VSTM2A: variants seen among roughly 807,000 people sequenced by gnomAD.
VSTM2A encodes V-set and transmembrane domain containing 2A.
VSTM2A carries 13 observed loss-of-function variants against 27.3 expected under a neutral mutation model. The ratio of observed to expected loss-of-function variants is 0.48; its 90% CI spans 0.31 to 0.76. The LOEUF (loss-of-function observed/expected upper bound fraction) is 0.76, where lower values mean the gene tolerates loss of function less well. Ranked by LOEUF, VSTM2A falls within the 30% of genes least tolerant of loss-of-function variation. The pLI is 0.05. For missense variants in VSTM2A, 280 were observed against 310.0 expected (o/e 0.90, Z 0.73); for synonymous variants, 142 against 125.7 (o/e 1.13, Z -0.87).
intron 3 of VSTM2A, among the ~76,000 whole-genome samples, chr7:54,548,463 T>C (rs1361958928): frequency 6.6e-6 from 1 of 151,900 alleles, no homozygotes; most frequent in Non-Finnish European, 1.5e-5. Context: ...AGCTCCACCT[T>C]CCAGAGATGC....
chr7:54,553,768 T>C, intron 4 of VSTM2A: 1 of 1,493,722 alleles, frequency 6.7e-7, no homozygotes. Flanking sequence ...TTTAGGTCCC[T>C]CTTCGCAGAG....
chr7:54,550,334 A>G (rs1788149464), intron 4 of VSTM2A, 164 bp downstream of exon 4: 1 of 1,455,066 alleles, frequency 6.9e-7, no homozygotes, highest in Non-Finnish European at 9.1e-7. Flanking sequence ...GCACCAATTC[A>G]CTCAGAGCTC....
rs981816584 is a variant in VSTM2A at position 54,550,371 on chromosome 7, C to T, written c.634+201C>T. ...AAGCATGTGGGTGCACCCCGTCAGT[C>T]CCCTAGTGGTGCTTCATTTCCAGGG... On this transcript the variant is annotated intron_variant, in intron 4 of 4. Transcript: ENST00000402613. The T allele has an allele frequency of 2.1e-6, 3 of 1,396,094 alleles. No individual in the cohort carries two copies. The African/African-American group carries it at 4.3e-5, about 20-fold the overall frequency. The allele number at this position is 1,396,094 out of a possible 1,614,324, so 86.5% of individuals were successfully genotyped here. A position where few individuals can be genotyped will look rare whatever the true frequency, so the allele number is the denominator to read the frequency against.
rs1390291875 is a variant in VSTM2A, at chr7:54,546,521, C to CCACCCCTGGCGCCCGCCCGCCT, written c.247-411_247-390dup. Among the ~76,000 whole-genome samples the CCACCCCTGGCGCCCGCCCGCCT allele has an allele frequency of 8.0e-5, 12 of 150,554 alleles. No individual in the cohort carries two copies. The South Asian group carries it at 1.3e-3, about 16-fold the overall frequency. ...TTCACCTTCACTCACGCCGGCCGCC[C>CCACCCCTGGCGCCCGCCCGCCT]CACCCCTGGCGCCCGCCCGCCTCAC... is the stretch of plus-strand genomic sequence containing the variant. On this transcript the variant is annotated intron_variant, in intron 2 of 4. Coordinates refer to ENST00000402613, the MANE Select transcript of VSTM2A (RefSeq NM_001301009.2).
In VSTM2A at chr7:54,569,142, T is replaced by C; in HGVS notation, c.646T>C (p.Ser216Pro). 6.4e-7 allele frequency: 1 copy of C among 1,560,140 alleles called. No individual in the cohort carries two copies. The highest frequency in any genetic ancestry group is 1.9e-5 in the Admixed American group (1 of 51,796). ...TTCTCTTCTTAAAGCAAAGAGCAAATCGCCTGTAAAATCTACGGAGCGGAC... is the reference window on the plus strand; with the variant it reads ...TTCTCTTCTTAAAGCAAAGAGCAAACCGCCTGTAAAATCTACGGAGCGGAC... ...KQSPQSAKSKSPVKSTERTAK... is the reference protein window; with the variant it reads ...KQSPQSAKSKPPVKSTERTAK... Residue 216 changes from serine (S) to proline (P), a missense_variant, in exon 5 of 5, where the codon TCG (serine) becomes CCG (proline). By Grantham distance (74) the Ser-to-Pro change is moderately conservative. Coordinates refer to ENST00000402613, the MANE Select transcript of VSTM2A (RefSeq NM_001301009.2).
intron 4 of VSTM2A, chr7:54,554,223 C>T: frequency 1.5e-6 from 2 of 1,339,466 alleles, no homozygotes; most frequent in Admixed American, 5.1e-5. Context: ...ACTCTTACCT[C>T]TCTTCTCTTT....
intron 4 of VSTM2A, among the ~76,000 whole-genome samples, chr7:54,552,914 G>A (rs1041524341): frequency 6.6e-6 from 1 of 152,136 alleles, no homozygotes; most frequent in Non-Finnish European, 1.5e-5. Context: ...TGACTTAGTT[G>A]ACTAAATTAT....
intron 4 of VSTM2A, among the ~76,000 whole-genome samples, chr7:54,563,706 C>T (rs576883109): frequency 7.2e-5 from 11 of 152,202 alleles, no homozygotes; most frequent in East Asian, 1.9e-4. Context: ...CCCTCAGCTA[C>T]GGTAAGAGCC....
intron 4 of VSTM2A, among the ~76,000 whole-genome samples, chr7:54,564,866 T>TC (rs397804532): frequency 3.7e-3 from 3 of 804 alleles, no homozygotes; most frequent in Non-Finnish European, 0.025. Flanking sequence ...GTTCAAAATA[T>TC]GTTATATCGT....
intron 4 of VSTM2A, among the ~76,000 whole-genome samples, chr7:54,565,189 T>C (rs368128910): frequency 5.3e-4 from 80 of 152,346 alleles, no homozygotes; most frequent in African/African-American, 3.1e-4. Flanking sequence ...ATGGACCACA[T>C]TGCTGTTTCT....
chr7:54,543,784 A>C (rs1310967448), intron 1 of VSTM2A, among the ~76,000 whole-genome samples: 2 of 152,188 alleles, frequency 1.3e-5, no homozygotes, highest in Non-Finnish European at 2.9e-5. Flanking sequence ...AGATAAGAAC[A>C]ACCACGTTGG....
At chr7:54,543,768 TAGATA>T (rs1326053475) in intron 1 of VSTM2A, among the ~76,000 whole-genome samples, 3 of 152,122 alleles carry the variant, frequency 2.0e-5, no homozygotes, top group African/African-American at 4.8e-5. Flanking sequence ...AAGTGCCCCT[TAGATA>T]AGATAAGAAC....
chr7:54,542,396 T>G lies in VSTM2A; in HGVS notation c.-335T>G. On this transcript the variant is annotated 5_prime_UTR_variant, in exon 1 of 5. Transcript: ENST00000402613. ...CCCCACTTCCCGAGCCGGCTCCGTG[T>G]TTAGGGAGGGCAGTGATCACGCAAG... 2.6e-6 allele frequency: 1 copy of G among 382,982 alleles called. No individual in the cohort carries two copies. Among genetic ancestry groups the G allele is most frequent in the Non-Finnish European group, 4.7e-6 (1 of 212,558 alleles). The allele number at this position is 382,982 out of a possible 1,614,324, so 23.7% of individuals were successfully genotyped here. A position where few individuals can be genotyped will look rare whatever the true frequency, so the allele number is the denominator to read the frequency against.
At position 54,564,874 on chromosome 7, in the gene VSTM2A, C is replaced by T. The variant is rs376948541; in HGVS notation, c.635-4257C>T. 4.8e-3 allele frequency among the ~76,000 whole-genome samples: 733 copies of T among 152,070 alleles called. 10 individuals carry two copies. Among genetic ancestry groups the T allele is most frequent in the African/African-American group, 0.017 (693 of 41,458 alleles). On this transcript the variant is annotated intron_variant, in intron 4 of 4. Transcript: ENST00000402613. ...ATGAAAAGTTCAAAATATGTTATAT[C>T]GTAAGAAATTTGGTACATTACAAAG...
Position 54,569,387 on chromosome 7 carries a change from C to T in VSTM2A, c.*168C>T. 1.1e-5 allele frequency: 14 copies of T among 1,247,852 alleles called. No homozygotes were observed. The highest frequency in any genetic ancestry group is 1.6e-5 in the South Asian group (1 of 62,724). 77.3% of individuals were successfully genotyped at this position (1,247,852 alleles called of 1,614,324 possible). A position where few individuals can be genotyped will look rare whatever the true frequency, so the allele number is the denominator to read the frequency against. On this transcript the variant is annotated 3_prime_UTR_variant, in exon 5 of 5. Coordinates refer to ENST00000402613, the MANE Select transcript of VSTM2A (RefSeq NM_001301009.2). ...AAGATCTATTTTTTCCCTTTTCTTT[C>T]GGCGACTAAAATCATCTCACTGACT...
chr7:54,557,322 T>A (rs1345154517), intron 4 of VSTM2A: 9 of 6,634 alleles, frequency 1.4e-3, no homozygotes, highest in Admixed American at 4.2e-3. Context: ...ATTTCTTTCT[T>A]TTTTTTTTTT....
At chr7:54,544,552 A>C in intron 1 of VSTM2A, 70 bp from the exon 2 acceptor site, 1 of 1,589,956 alleles carries the variant, frequency 6.3e-7, no homozygotes, top group South Asian at 1.1e-5. Flanking sequence ...AAATGTAGCG[A>C]GCTCTCAAGG....
At chr7:54,558,773 C>T (rs1788456920) in intron 4 of VSTM2A, 1 of 151,908 alleles carries the variant, frequency 6.6e-6, no homozygotes, top group Non-Finnish European at 1.5e-5. Context: ...CATATGATCA[C>T]AGTTTACAAT....
chr7:54,566,981 A>G (rs1008053862), intron 4 of VSTM2A, among the ~76,000 whole-genome samples: 22 of 152,216 alleles, frequency 1.4e-4, no homozygotes, highest in African/African-American at 4.6e-4. Context: ...GAAAATGACT[A>G]TGATGATTAT....
Sources: allele counts gnomAD v4.1 joint callset (sites outside exome capture counted in the v4.1 genomes callset), GRCh38; gene constraint gnomAD v4.1.1; transcripts MANE v1.5; gene names NCBI Gene and HGNC (gene_info 2026-07-23, HGNC 2026-07-21).